Variants in MAF observed in about 807,000 individuals in gnomAD.
The protein encoded by MAF is MAF bZIP transcription factor, also known as transcription factor Maf.
In MAF, 10 loss-of-function variants were observed where a neutral mutation model predicts 22.0. The observed-to-expected ratio is 0.45, with a 90% CI of 0.28 to 0.77. The LOEUF is 0.77. Among genes scored for constraint, MAF ranks in the 30% least tolerant of loss-of-function variants. The probability of loss-of-function intolerance (pLI) is 0.12; values close to 1 mark genes in which losing one functional copy is unlikely to be tolerated. For synonymous variants in MAF, 337 were observed against 255.8 expected (o/e 1.32, Z -3.03); for missense variants, 544 against 548.4 (o/e 0.99, Z 0.08).
the MAF span, among the ~76,000 whole-genome samples, chr16:79,406,316 T>C: frequency 2.0e-5 from 3 of 152,208 alleles, no homozygotes; most frequent in Admixed American, 6.5e-5. Flanking sequence ...AGGATTCACA[T>C]GGTTTCTTAG....
At chr16:79,547,387 C>T in the MAF span, among the ~76,000 whole-genome samples, 1 of 152,116 alleles carries the variant, frequency 6.6e-6, no homozygotes, top group Non-Finnish European at 1.5e-5. Context: ...CCTGTACACA[C>T]ACATTCACAC....
chr16:79,253,236 C>A, the MAF span, among the ~76,000 whole-genome samples: 3 of 152,180 alleles, frequency 2.0e-5, no homozygotes, highest in Non-Finnish European at 4.4e-5. Flanking sequence ...GACCTAGAAT[C>A]AGCATGGATC....
At chr16:79,417,889 C>T in the MAF span, among the ~76,000 whole-genome samples, 2 of 152,122 alleles carry the variant, frequency 1.3e-5, no homozygotes, top group African/African-American at 2.4e-5. Flanking sequence ...TCCGTATTTT[C>T]GCCTGGAAAT....
chr16:79,379,825 TGAG>T, the MAF span, among the ~76,000 whole-genome samples: 2 of 152,116 alleles, frequency 1.3e-5, no homozygotes. Flanking sequence ...GCTCTGTGCT[TGAG>T]GAGGCTTTTG....
chr16:79,545,146 C>A, the MAF span, among the ~76,000 whole-genome samples: 1 of 152,242 alleles, frequency 6.6e-6, no homozygotes, highest in Admixed American at 6.5e-5. Flanking sequence ...ATCTTTCCCT[C>A]CATGGTTCTA....
chr16:79,307,056 G>T, the MAF span, among the ~76,000 whole-genome samples: 2 of 152,162 alleles, frequency 1.3e-5, no homozygotes, highest in Non-Finnish European at 2.9e-5. Flanking sequence ...CATCCGAAGG[G>T]TATGTTTGCA....
the MAF span, among the ~76,000 whole-genome samples, chr16:79,353,640 C>T: frequency 1.3e-5 from 2 of 152,008 alleles, no homozygotes; most frequent in African/African-American, 2.4e-5. Flanking sequence ...TTTAATTCCC[C>T]TAAGAGCCCT....
the MAF span, among the ~76,000 whole-genome samples, chr16:79,435,213 T>C: frequency 2.6e-5 from 4 of 151,826 alleles, no homozygotes; most frequent in African/African-American, 9.7e-5. Flanking sequence ...CACACATATA[T>C]GTACACACAC....
At chr16:79,391,664 G>A in the MAF span, among the ~76,000 whole-genome samples, 13 of 152,112 alleles carry the variant, frequency 8.5e-5, no homozygotes, top group South Asian at 2.1e-4. Flanking sequence ...ACGCTGAAAC[G>A]TAGGTGGGCA....
the MAF span, among the ~76,000 whole-genome samples, chr16:79,357,466 TA>T: frequency 8.5e-5 from 13 of 152,186 alleles, no homozygotes; most frequent in Admixed American, 7.2e-4. Flanking sequence ...AAATAAAAAC[TA>T]ATATACTTTT....
At chr16:79,242,251 GA>G in the MAF span, among the ~76,000 whole-genome samples, 449 of 151,762 alleles carry the variant, frequency 3.0e-3, 9 homozygotes, top group Admixed American at 0.023. Flanking sequence ...TGGCAAATTG[GA>G]TAAAGAGTCA....
chr16:79,466,760 G>A, the MAF span, among the ~76,000 whole-genome samples: 1 of 152,226 alleles, frequency 6.6e-6, no homozygotes, highest in South Asian at 2.1e-4. Flanking sequence ...TACCTTTTAT[G>A]CCATGGGGAA....
chr16:79,472,772 A>G, the MAF span, among the ~76,000 whole-genome samples: 1 of 152,082 alleles, frequency 6.6e-6, no homozygotes, highest in Non-Finnish European at 1.5e-5. Flanking sequence ...TTTTATAGTA[A>G]TGTATATAAA....
At chr16:79,442,243 G>A in the MAF span, among the ~76,000 whole-genome samples, 1 of 152,180 alleles carries the variant, frequency 6.6e-6, no homozygotes, top group Non-Finnish European at 1.5e-5. Flanking sequence ...GAAGGAAGAG[G>A]ACCAAGATAT....
the MAF span, among the ~76,000 whole-genome samples, chr16:79,542,850 C>G: frequency 6.6e-6 from 1 of 152,174 alleles, no homozygotes; most frequent in Non-Finnish European, 1.5e-5. Context: ...AAAGGAGTGT[C>G]AAGGCAGTTG....
chr16:79,598,604 G>GTGTGTGTT, intron 1 of MAF, 181 bp downstream of exon 1: 3 of 1,495,020 alleles, frequency 2.0e-6, no homozygotes, highest in South Asian at 2.6e-5. Context: ...GTGTGTGTGT[G>GTGTGTGTT]TGTGTGGTGT....
chr16:79,489,178 C>T, the MAF span, among the ~76,000 whole-genome samples: 14 of 152,070 alleles, frequency 9.2e-5, no homozygotes, highest in Admixed American at 3.9e-4. Flanking sequence ...TCCACCTATC[C>T]ACACATCCAT....
chr16:79,489,744 G>A, the MAF span, among the ~76,000 whole-genome samples: 10 of 152,322 alleles, frequency 6.6e-5, no homozygotes, highest in African/African-American at 1.9e-4. Flanking sequence ...TTCAGGGTAC[G>A]GAAAGTGTTC....
the MAF span, among the ~76,000 whole-genome samples, chr16:79,261,724 G>C: frequency 6.6e-6 from 1 of 152,200 alleles, no homozygotes; most frequent in Non-Finnish European, 1.5e-5. Context: ...AGAGTGACAG[G>C]TTCAAAGAAT....
Sources: gnomAD v4.1 joint callset for allele counts (sites outside exome capture counted in the v4.1 genomes callset) on GRCh38, gnomAD v4.1.1 for gene constraint, MANE v1.5 for transcripts, NCBI Gene and HGNC (gene_info 2026-07-23, HGNC 2026-07-21) for gene names.